NRXN1: variants seen among roughly 807,000 people sequenced by gnomAD.
NRXN1 encodes the protein neurexin 1.
A neutral mutation model predicts 150.9 loss-of-function variants in NRXN1; 39 were observed. The observed-to-expected ratio is 0.26, with a 90% CI of 0.20 to 0.34. The LOEUF is 0.34. NRXN1 is among the 10% of genes least tolerant of loss of function. NRXN1 has a pLI of 1.00. For synonymous variants in NRXN1, 924 were observed against 757.0 expected (o/e 1.22, Z -3.62); for missense variants, 1,815 against 1,949.9 (o/e 0.93, Z 1.30).
chr2:50,044,921 T>C (rs1691578527), intron 21 of NRXN1, among the ~76,000 whole-genome samples: 1 of 152,172 alleles, frequency 6.6e-6, no homozygotes, highest in South Asian at 2.1e-4. Flanking sequence ...CACTGCCTAT[T>C]TTGTTTTGTT....
intron 17 of NRXN1, among the ~76,000 whole-genome samples, chr2:50,240,072 A>G (rs912378332): frequency 6.6e-6 from 1 of 151,544 alleles, no homozygotes; most frequent in Admixed American, 6.6e-5. Context: ...TACAAATACC[A>G]TTACTCAAGA....
intron 19 of NRXN1, among the ~76,000 whole-genome samples, chr2:50,065,781 T>C (rs1695268491): frequency 6.6e-6 from 1 of 152,160 alleles, no homozygotes; most frequent in Non-Finnish European, 1.5e-5. Context: ...ACAAGCATAA[T>C]AATCCACTAA....
intron 5 of NRXN1, among the ~76,000 whole-genome samples, chr2:50,718,069 A>C (rs1696095587): frequency 1.3e-5 from 2 of 152,176 alleles, no homozygotes; most frequent in South Asian, 4.2e-4. Flanking sequence ...AATATTTTTA[A>C]TTCCTGGTGT....
intron 21 of NRXN1, among the ~76,000 whole-genome samples, chr2:49,975,712 A>T (rs1678847995): frequency 6.6e-6 from 1 of 152,204 alleles, no homozygotes; most frequent in Non-Finnish European, 1.5e-5. Context: ...AGCACCTGTC[A>T]TTAAAAACAA....
chr2:50,257,929 T>C (rs1347100648), intron 17 of NRXN1, among the ~76,000 whole-genome samples: 3 of 152,088 alleles, frequency 2.0e-5, no homozygotes, highest in African/African-American at 7.2e-5. Context: ...ATAAAGGTTG[T>C]TTATACTATA....
chr2:50,469,747 A>G (rs1287630026), intron 16 of NRXN1, among the ~76,000 whole-genome samples: 4 of 151,192 alleles, frequency 2.6e-5, no homozygotes, highest in Admixed American at 2.0e-4. Flanking sequence ...GTAATATTCT[A>G]AGAGTAAAGA....
intron 5 of NRXN1, among the ~76,000 whole-genome samples, chr2:50,811,905 C>A (rs1668264912): frequency 6.6e-6 from 1 of 152,010 alleles, no homozygotes; most frequent in Non-Finnish European, 1.5e-5. Flanking sequence ...AAAAATGTGG[C>A]TCCATATTAT....
intron 5 of NRXN1, among the ~76,000 whole-genome samples, chr2:50,770,170 A>C (rs1193133859): frequency 1.3e-5 from 2 of 152,152 alleles, no homozygotes; most frequent in Admixed American, 6.6e-5. Flanking sequence ...CAGAAGTTTA[A>C]CAAATTCTAA....
chr2:50,907,196 A>C (rs1226828627), intron 5 of NRXN1, among the ~76,000 whole-genome samples: 1 of 151,912 alleles, frequency 6.6e-6, no homozygotes, highest in African/African-American at 2.4e-5. Context: ...CAAAAAAAAA[A>C]ACAAAAAAAT....
intron 5 of NRXN1, among the ~76,000 whole-genome samples, chr2:50,742,426 C>T (rs934565193): frequency 1.5e-4 from 23 of 151,510 alleles, no homozygotes; most frequent in African/African-American, 5.1e-4. Flanking sequence ...GGGCTCAAGA[C>T]CATCACCCTG....
At chr2:50,294,891 T>C (rs2073379800) in intron 17 of NRXN1, among the ~76,000 whole-genome samples, 1 of 152,174 alleles carries the variant, frequency 6.6e-6, no homozygotes, top group East Asian at 1.9e-4. Context: ...AGGTAAAACC[T>C]TATCCCTATC....
rs541630507 is a variant in NRXN1, at chr2:50,963,360, C to T, written c.773-37405G>A. On this transcript the variant is annotated intron_variant, in intron 2 of 22. Transcript: ENST00000401669. ...CTCCTTATTTCCTTCCTTCTTTCTC[C>T]CTTTCACTTTCCTCCTTTCATTCCC... Among the ~76,000 whole-genome samples the T allele has an allele frequency of 7.9e-5, 12 of 151,694 alleles. No homozygotes were observed. The South Asian group carries it at 2.1e-3, about 26-fold the overall frequency.
intron 12 of NRXN1, among the ~76,000 whole-genome samples, chr2:50,510,583 T>C (rs1272643681): frequency 6.6e-6 from 1 of 151,332 alleles, no homozygotes; most frequent in Admixed American, 6.6e-5. Flanking sequence ...TCATTCCTTA[T>C]GTTTTGTAGG....
chr2:50,080,022 C>T (rs1057453234), intron 19 of NRXN1, among the ~76,000 whole-genome samples: 6 of 151,946 alleles, frequency 3.9e-5, no homozygotes, highest in Non-Finnish European at 7.4e-5. Context: ...AATTGCATGC[C>T]ATTCTGAGTA....
At chr2:50,966,189 A>G (rs578144614) in intron 2 of NRXN1, among the ~76,000 whole-genome samples, 9 of 151,632 alleles carry the variant, frequency 5.9e-5, no homozygotes, top group Non-Finnish European at 1.3e-4. Flanking sequence ...ATTTATCTCT[A>G]AAGTACTTAG....
chr2:50,400,038 GC>G (rs2082298404), intron 17 of NRXN1, among the ~76,000 whole-genome samples: 1 of 151,902 alleles, frequency 6.6e-6, no homozygotes, highest in Non-Finnish European at 1.5e-5. Flanking sequence ...ATTAACACTT[GC>G]CAAACAGAGC....
At chr2:50,671,652 A>G (rs1688873860) in intron 5 of NRXN1, among the ~76,000 whole-genome samples, 1 of 151,772 alleles carries the variant, frequency 6.6e-6, no homozygotes, top group African/African-American at 2.4e-5. Context: ...CTTGAGGAAA[A>G]GCTTTTTTGT....
chr2:50,421,175 T>C (rs1238385388), intron 17 of NRXN1, among the ~76,000 whole-genome samples: 1 of 152,096 alleles, frequency 6.6e-6, no homozygotes, highest in African/African-American at 2.4e-5. Flanking sequence ...ACTAACGTTA[T>C]GATATGCTGC....
At chr2:49,958,061 G>A (rs1558581985) in intron 21 of NRXN1, among the ~76,000 whole-genome samples, 1 of 152,122 alleles carries the variant, frequency 6.6e-6, no homozygotes, top group Non-Finnish European at 1.5e-5. Flanking sequence ...CTGCCAGACT[G>A]GAGAGCACTC....
Sources: allele counts gnomAD v4.1 joint callset (sites outside exome capture counted in the v4.1 genomes callset), GRCh38; gene constraint gnomAD v4.1.1; transcripts MANE v1.5; gene names NCBI Gene and HGNC (gene_info 2026-07-23, HGNC 2026-07-21).